Variants in PTK2 observed in about 807,000 individuals in gnomAD.
The protein encoded by PTK2 is focal adhesion kinase 1.
In PTK2, 45 loss-of-function variants were observed where a neutral mutation model predicts 150.1. The observed-to-expected ratio is 0.30, with a 90% CI of 0.24 to 0.38. PTK2 has a LOEUF of 0.38. Among genes scored for constraint, PTK2 ranks in the 10% least tolerant of loss-of-function variants. The probability of loss-of-function intolerance (pLI) is 1.00; values close to 1 mark genes in which losing one functional copy is unlikely to be tolerated. For synonymous variants in PTK2, 432 were observed against 449.2 expected, an observed-to-expected ratio of 0.96 and a Z score of 0.48; for missense variants, 919 against 1,307.3, an observed-to-expected ratio of 0.70 and a Z score of 4.58.
At chr8:140,827,585 G>C (rs1231047079) in intron 8 of PTK2, among the ~76,000 whole-genome samples, 1 of 152,120 alleles carries the variant, frequency 6.6e-6, no homozygotes, top group African/African-American at 2.4e-5. Context: ...CATAACCAAG[G>C]AAAGAAACTT....
chr8:140,885,958 G>T (rs779836289), intron 3 of PTK2, among the ~76,000 whole-genome samples: 15 of 152,116 alleles, frequency 9.9e-5, no homozygotes, highest in Admixed American at 2.0e-4. Flanking sequence ...ACTAAGGAGA[G>T]CAAGTAGGGA....
chr8:140,675,311 G>T, intron 28 of PTK2, 149 bp downstream of exon 31: 2 of 803,826 alleles, frequency 2.5e-6, no homozygotes, highest in Non-Finnish European at 4.1e-6. Flanking sequence ...CTAGTAATGA[G>T]CTGAATGTGG....
intron 1 of PTK2, among the ~76,000 whole-genome samples, chr8:140,963,100 G>A (rs1021314808): frequency 2.0e-5 from 3 of 152,016 alleles, no homozygotes; most frequent in East Asian, 1.9e-4. Flanking sequence ...ATACCAACAC[G>A]CACGAACCTT....
intron 1 of PTK2, among the ~76,000 whole-genome samples, chr8:140,948,407 T>C (rs1350091810): frequency 1.3e-5 from 2 of 152,144 alleles, no homozygotes; most frequent in African/African-American, 2.4e-5. Context: ...GAAGGGTCAA[T>C]ATTTAGGGCA....
At chr8:140,911,403 GT>G (rs762273993) in intron 2 of PTK2, among the ~76,000 whole-genome samples, 4 of 151,936 alleles carry the variant, frequency 2.6e-5, no homozygotes, top group South Asian at 2.1e-4. Context: ...TCTTTTCACT[GT>G]TTTTTTAAGA....
intron 8 of PTK2, chr8:140,821,394 G>C (rs1218141122): frequency 2.0e-5 from 3 of 152,192 alleles, no homozygotes; most frequent in African/African-American, 4.8e-5. Context: ...GGGCACTTTT[G>C]GGACATTTGG....
chr8:140,804,795 CAT>C (rs938565954), intron 10 of PTK2, among the ~76,000 whole-genome samples: 5 of 152,204 alleles, frequency 3.3e-5, no homozygotes, highest in African/African-American at 1.2e-4. Flanking sequence ...TTTGTAGAGA[CAT>C]GTGTTTTGCA....
chr8:140,778,133 T>C (rs1404864835), intron 14 of PTK2, among the ~76,000 whole-genome samples: 1 of 152,236 alleles, frequency 6.6e-6, no homozygotes, highest in African/African-American at 2.4e-5. Flanking sequence ...GGAAAATTCC[T>C]GACCAGGTAA....
chr8:140,941,800 G>C (rs1193958750), intron 1 of PTK2, among the ~76,000 whole-genome samples: 1 of 152,114 alleles, frequency 6.6e-6, no homozygotes, highest in Non-Finnish European at 1.5e-5. Flanking sequence ...CGACCCCTCA[G>C]GCTCAGGCGA....
chr8:140,904,864 T>C (rs774924916), intron 2 of PTK2, among the ~76,000 whole-genome samples: 2 of 152,192 alleles, frequency 1.3e-5, no homozygotes, highest in South Asian at 4.1e-4. Context: ...TCATTTTTTA[T>C]TGTGTCTCTT....
intron 16 of PTK2, among the ~76,000 whole-genome samples, chr8:140,753,499 G>C (rs2100063942): frequency 6.6e-6 from 1 of 152,154 alleles, no homozygotes; most frequent in African/African-American, 2.4e-5. Flanking sequence ...CATGTGACTG[G>C]ACGAAATCAC....
chr8:140,920,289 T>C (rs2100166933), intron 2 of PTK2, among the ~76,000 whole-genome samples: 1 of 152,160 alleles, frequency 6.6e-6, no homozygotes, highest in African/African-American at 2.4e-5. Flanking sequence ...ATTTTATATT[T>C]ACATTTTTAT....
At chr8:140,690,413 C>T (rs1470955412) in intron 26 of PTK2, among the ~76,000 whole-genome samples, 1 of 152,190 alleles carries the variant, frequency 6.6e-6, no homozygotes, top group Non-Finnish European at 1.5e-5. Flanking sequence ...ACATGCACGC[C>T]ACCACGCCCA....
At chr8:140,745,432 G>C (rs1458272662) in intron 18 of PTK2, among the ~76,000 whole-genome samples, 1 of 152,162 alleles carries the variant, frequency 6.6e-6, no homozygotes, top group Non-Finnish European at 1.5e-5. Context: ...TATTTTTTGA[G>C]CCGGAAGAAT....
At chr8:140,746,892 CTT>C (rs369382658) in intron 17 of PTK2, 32 bp from the exon 21 acceptor site, 41,910 of 946,182 alleles carry the variant, frequency 0.044, no homozygotes, top group East Asian at 0.056. Flanking sequence ...GTTATTCTTT[CTT>C]TTTTTTTTTT....
At chr8:140,711,103 AATTTTTAT>A (rs1471479463) in intron 23 of PTK2, among the ~76,000 whole-genome samples, 1 of 151,234 alleles carries the variant, frequency 6.6e-6, no homozygotes, top group Non-Finnish European at 1.5e-5. Flanking sequence ...ACACCCAGCT[AATTTTTAT>A]ATTTTTATTT....
At chr8:140,915,363 G>T (rs1302173034) in intron 2 of PTK2, among the ~76,000 whole-genome samples, 1 of 151,988 alleles carries the variant, frequency 6.6e-6, no homozygotes, top group Non-Finnish European at 1.5e-5. Flanking sequence ...AGGAGTTTGA[G>T]ACCAGACCAG....
intron 25 of PTK2, among the ~76,000 whole-genome samples, chr8:140,701,538 A>G (rs1333618007): frequency 6.6e-6 from 1 of 152,134 alleles, no homozygotes; most frequent in African/African-American, 2.4e-5. Context: ...AGTAGATGCA[A>G]CTATGGGTTG....
chr8:140,970,620 C>T (rs778135244), intron 1 of PTK2, among the ~76,000 whole-genome samples: 3 of 152,238 alleles, frequency 2.0e-5, no homozygotes, highest in East Asian at 3.8e-4. Context: ...ACCATCACCA[C>T]GACTTGTGCC....
Sources: gnomAD v4.1 joint callset for allele counts (sites outside exome capture counted in the v4.1 genomes callset) on GRCh38, gnomAD v4.1.1 for gene constraint, MANE v1.5 for transcripts, NCBI Gene and HGNC (gene_info 2026-07-23, HGNC 2026-07-21) for gene names.